Variants in MYO5A observed in about 807,000 individuals in gnomAD.
The protein encoded by MYO5A is unconventional myosin-Va.
In MYO5A, 98 loss-of-function variants were observed where a neutral mutation model predicts 249.7. The ratio of observed to expected loss-of-function variants is 0.39; its 90% CI spans 0.33 to 0.46. The LOEUF is 0.46. Among genes scored for constraint, MYO5A ranks in the 20% least tolerant of loss-of-function variants. The probability of loss-of-function intolerance (pLI) is 0.98; values close to 1 mark genes in which losing one functional copy is unlikely to be tolerated. For synonymous variants in MYO5A, 778 were observed against 810.6 expected, an observed-to-expected ratio of 0.96 and a Z score of 0.68; for missense variants, 1,696 against 2,308.8, an observed-to-expected ratio of 0.73 and a Z score of 5.44.
rs775872908 is a variant in MYO5A at position 52,313,665 on chromosome 15, T to C, written c.*31A>G. 9 of 1,613,002 alleles carry C rather than the reference T, an allele frequency of 5.6e-6. No homozygotes were observed. The Admixed American group carries it at 6.7e-5, about 12-fold the overall frequency. ...ATGGGTTCTTATTTCGGGCAAGAAA[T>C]GTATTGTCAATTTTTGCCTGGACAT... is the stretch of plus-strand genomic sequence containing the variant. On this transcript the variant is annotated 3_prime_UTR_variant, in exon 42 of 42. Transcript: ENST00000399233.
intron 33 of MYO5A, 97 bp downstream of exon 33, chr15:52,337,713 A>T (rs951982995): frequency 1.1e-6 from 1 of 871,508 alleles, no homozygotes; most frequent in African/African-American, 1.7e-5. Context: ...TTTTGAAGAG[A>T]CTTCCTGGGA....
At chr15:52,316,102 C>T (rs968981283) in intron 40 of MYO5A, among the ~76,000 whole-genome samples, 12 of 150,876 alleles carry the variant, frequency 8.0e-5, no homozygotes, top group African/African-American at 2.9e-4. Flanking sequence ...GGCGTGGTGG[C>T]AGGTGCCTGT....
chr15:52,315,036 T>A (rs1244260715), intron 40 of MYO5A, among the ~76,000 whole-genome samples: 1 of 152,210 alleles, frequency 6.6e-6, no homozygotes, highest in African/African-American at 2.4e-5. Flanking sequence ...GGTCTGTGGG[T>A]GACAAACTGA....
intron 1 of MYO5A, among the ~76,000 whole-genome samples, chr15:52,476,460 G>A (rs571124127): frequency 1.3e-3 from 198 of 152,188 alleles, no homozygotes; most frequent in African/African-American, 4.5e-3. Flanking sequence ...TATTTTGCTC[G>A]TTAGTTGATG....
At chr15:52,526,701 C>T (rs1405526230) in intron 1 of MYO5A, among the ~76,000 whole-genome samples, 2 of 152,138 alleles carry the variant, frequency 1.3e-5, no homozygotes, top group East Asian at 1.9e-4. Flanking sequence ...TTATGTTCCT[C>T]AGGCTGTTAA....
rs1427981500 is a variant in MYO5A, at chr15:52,317,098, C to T, written c.5359G>A (p.Asp1787Asn). The change falls in exon 40 of 42, where the codon GAT becomes AAT. Residue 1787 changes from aspartate (D) to asparagine (N), a missense_variant. Coordinates refer to ENST00000399233, the MANE Select transcript of MYO5A (RefSeq NM_001382347.1). ...QLLQVKKKTD[D>N]DAEAICSMCN... ...ATAGAACAAATGGCTTCTGCATCAT[C>T]ATCTGTTTTCTTTTTCACTTGCAAA... 1 of 1,614,016 alleles carries T rather than the reference C, an allele frequency of 6.2e-7. No homozygotes were observed. The highest frequency in any genetic ancestry group is 1.3e-5 in the African/African-American group (1 of 74,910).
At chr15:52,524,774 G>A (rs2077699780) in intron 1 of MYO5A, among the ~76,000 whole-genome samples, 1 of 151,790 alleles carries the variant, frequency 6.6e-6, no homozygotes, top group South Asian at 2.1e-4. Flanking sequence ...AGGCTGAGGT[G>A]GGAGGACAGC....
chr15:52,378,412 T>TG (rs1359429363), intron 18 of MYO5A, among the ~76,000 whole-genome samples: 13 of 147,736 alleles, frequency 8.8e-5, no homozygotes, highest in African/African-American at 3.0e-4. Flanking sequence ...TCCCAGCTAC[T>TG]GGGGGGGCTG....
chr15:52,476,789 T>C (rs2076604670), intron 1 of MYO5A, among the ~76,000 whole-genome samples: 1 of 152,254 alleles, frequency 6.6e-6, no homozygotes, highest in African/African-American at 2.4e-5. Flanking sequence ...CTTCCCTTTG[T>C]GGGTAACCGG....
intron 1 of MYO5A, among the ~76,000 whole-genome samples, chr15:52,510,726 C>T (rs1484793353): frequency 2.0e-5 from 3 of 152,224 alleles, no homozygotes; most frequent in Non-Finnish European, 2.9e-5. Context: ...CCAACCATCA[C>T]CATCGCCACA....
intron 1 of MYO5A, among the ~76,000 whole-genome samples, chr15:52,433,999 CTTT>C (rs398043307): frequency 4.7e-5 from 6 of 127,306 alleles, no homozygotes; most frequent in African/African-American, 8.6e-5. Context: ...CTTTCTTTTT[CTTT>C]TTTTTTTTTT....
At chr15:52,459,380 T>C (rs1285078037) in intron 1 of MYO5A, among the ~76,000 whole-genome samples, 1 of 151,954 alleles carries the variant, frequency 6.6e-6, no homozygotes, top group Non-Finnish European at 1.5e-5. Flanking sequence ...TCTTAACGAC[T>C]ATGCTGCCTT....
At chr15:52,349,467 G>C (rs1201251499) in intron 28 of MYO5A, among the ~76,000 whole-genome samples, 1 of 152,152 alleles carries the variant, frequency 6.6e-6, no homozygotes, top group East Asian at 1.9e-4. Flanking sequence ...AGGAACTTAG[G>C]TACCTCAGTT....
intron 1 of MYO5A, among the ~76,000 whole-genome samples, chr15:52,503,236 C>T (rs1405204007): frequency 2.6e-5 from 4 of 152,046 alleles, no homozygotes; most frequent in Admixed American, 6.6e-5. Flanking sequence ...GATGGCTATC[C>T]CAATTACACT....
intron 24 of MYO5A, 141 bp from the exon 25 acceptor site, chr15:52,360,222 G>A: frequency 1.4e-6 from 1 of 693,206 alleles, no homozygotes. Flanking sequence ...ATATTGTTTT[G>A]ACCAAATAAT....
chr15:52,411,711 A>T (rs986747898), intron 5 of MYO5A, among the ~76,000 whole-genome samples: 7 of 152,250 alleles, frequency 4.6e-5, no homozygotes, highest in Admixed American at 1.3e-4. Context: ...TGTAGTTTTA[A>T]GAGTGATACA....
At chr15:52,340,660 T>C (rs553896433) in intron 31 of MYO5A, among the ~76,000 whole-genome samples, 220 of 152,218 alleles carry the variant, frequency 1.4e-3, no homozygotes, top group Non-Finnish European at 2.2e-3. Context: ...GAAAGGTTCA[T>C]AGGAGGCCGG....
At chr15:52,439,822 A>T (rs1157185723) in intron 1 of MYO5A, among the ~76,000 whole-genome samples, 2 of 152,196 alleles carry the variant, frequency 1.3e-5, no homozygotes, top group Middle Eastern at 3.2e-3. Flanking sequence ...TAAAGAAAAA[A>T]CCTAGGGAGG....
At chr15:52,384,486 G>T (rs984034090) in intron 14 of MYO5A, among the ~76,000 whole-genome samples, 164 bp from the exon 15 acceptor site, 3 of 152,030 alleles carry the variant, frequency 2.0e-5, no homozygotes, top group Non-Finnish European at 2.9e-5. Flanking sequence ...ATGAGAGGAA[G>T]GTGAGGTAAG....
Sources: gnomAD v4.1 joint callset for allele counts (sites outside exome capture counted in the v4.1 genomes callset) on GRCh38, gnomAD v4.1.1 for gene constraint, MANE v1.5 for transcripts, NCBI Gene and HGNC (gene_info 2026-07-23, HGNC 2026-07-21) for gene names.